Variants in NFXL1 observed in about 807,000 individuals in gnomAD.
The protein encoded by NFXL1 is NF-X1-type zinc finger protein NFXL1.
Under a neutral mutation model 123.3 loss-of-function variants are expected in NFXL1, and 66 were observed. The ratio of observed to expected loss-of-function variants is 0.54; its 90% confidence interval spans 0.44 to 0.66. NFXL1 has a LOEUF of 0.66. NFXL1 is among the 30% of genes least tolerant of loss of function. The pLI is 0.00. For missense variants in NFXL1, 944 were observed against 1,125.6 expected, an observed-to-expected ratio of 0.84 and a Z score of 2.31; for synonymous variants, 346 against 360.8, an observed-to-expected ratio of 0.96 and a Z score of 0.46.
chr4:47,863,438 T>C (rs1734874647), intron 18 of NFXL1, among the ~76,000 whole-genome samples: 1 of 152,134 alleles, frequency 6.6e-6, no homozygotes, highest in African/African-American at 2.4e-5. Flanking sequence ...TCCCAGCACT[T>C]TGGGAGACTA....
chr4:47,877,482 C>G (rs1021604856), intron 17 of NFXL1, among the ~76,000 whole-genome samples: 3 of 152,070 alleles, frequency 2.0e-5, no homozygotes, highest in African/African-American at 7.2e-5. Flanking sequence ...TAAGCTTTTT[C>G]TGACTCACTC....
intron 18 of NFXL1, among the ~76,000 whole-genome samples, chr4:47,870,866 C>G (rs1213832665): frequency 2.0e-5 from 3 of 151,916 alleles, no homozygotes; most frequent in Admixed American, 6.6e-5. Flanking sequence ...AAGATGGAAA[C>G]ACATCAAAGG....
At chr4:47,875,465 A>G in intron 17 of NFXL1, 172 bp from the exon 18 acceptor site, 1 of 451,910 alleles carries the variant, frequency 2.2e-6, no homozygotes, top group African/African-American at 2.0e-5. Flanking sequence ...TATTCAAACT[A>G]AAGAACAGCA....
At position 47,848,067 on chromosome 4, in the gene NFXL1, T is replaced by C. The variant is rs1733909578; in HGVS notation, c.*96A>G. 4 of 732,476 alleles carry C rather than the reference T, an allele frequency of 5.5e-6. No individual in the cohort carries two copies. The highest frequency in any genetic ancestry group is 2.5e-4 in the Middle Eastern group (1 of 3,986). The allele number at this position is 732,476 out of a possible 1,614,324, so 45.4% of individuals were successfully genotyped here. On this transcript the variant is annotated 3_prime_UTR_variant, in exon 23 of 23. Transcript: ENST00000507489. ...GAGAGAATACAGAGATGAATGTAAA[T>C]ATATATCATGTTCTATAATATACAT... is the stretch of plus-strand genomic sequence containing the variant.
At chr4:47,893,821 AAG>A in intron 11 of NFXL1, among the ~76,000 whole-genome samples, 2 of 152,240 alleles carry the variant, frequency 1.3e-5, no homozygotes, top group East Asian at 3.9e-4. Flanking sequence ...AGCTCTTTAA[AAG>A]ATAACTGATT....
intron 18 of NFXL1, among the ~76,000 whole-genome samples, chr4:47,874,703 G>A (rs1313996299): frequency 1.5e-5 from 1 of 68,618 alleles, no homozygotes; most frequent in Non-Finnish European, 3.5e-5. Context: ...GCTCAATGCA[G>A]GTTGACAAAC....
chr4:47,862,780 A>T, intron 19 of NFXL1, 66 bp downstream of exon 19: 1 of 936,488 alleles, frequency 1.1e-6, no homozygotes, highest in South Asian at 1.5e-5. Context: ...ACCAAACAAG[A>T]AAAAAGAAAA....
chr4:47,876,107 A>G (rs1735734669), intron 17 of NFXL1, among the ~76,000 whole-genome samples: 1 of 152,072 alleles, frequency 6.6e-6, no homozygotes, highest in Non-Finnish European at 1.5e-5. Flanking sequence ...ATTCTAAGCT[A>G]TTTTTTGACA....
At chr4:47,896,820 G>C (rs1560600801) in intron 9 of NFXL1, 173 bp from the exon 10 acceptor site, 12 of 536,780 alleles carry the variant, frequency 2.2e-5, no homozygotes, top group Non-Finnish European at 6.6e-6. Context: ...CCTAATATTT[G>C]TGAAGTTTAT....
intron 11 of NFXL1, among the ~76,000 whole-genome samples, 170 bp downstream of exon 11, chr4:47,894,010 G>A (rs542295545): frequency 6.6e-6 from 1 of 151,932 alleles, no homozygotes; most frequent in Non-Finnish European, 1.5e-5. Flanking sequence ...ATTCCCACTA[G>A]TACAAAAATT....
intron 8 of NFXL1, 66 bp from the exon 9 acceptor site, chr4:47,898,147 G>A (rs1009463179): frequency 1.1e-6 from 1 of 912,140 alleles, no homozygotes; most frequent in African/African-American, 1.7e-5. Flanking sequence ...CTTCATACAA[G>A]ACACAATCCA....
Position 47,884,396 on chromosome 4 carries a change from T to C in NFXL1, c.1866A>G (p.Ala622=). ...GACACGGTAATGCAGTCTGAATAAATGCTGGCTCAGAAGGCTGTTCCCAAG... is the reference window on the plus strand; with the variant it reads ...GACACGGTAATGCAGTCTGAATAAACGCTGGCTCAGAAGGCTGTTCCCAAG... ...TGPWEQPSEP[A]FIQTALPCPP... Residue 622 remains alanine, a synonymous_variant, in exon 15 of 23, where the codon GCA becomes GCG. Coordinates refer to ENST00000507489, the MANE Select transcript of NFXL1 (RefSeq NM_001278624.2). The C allele has an allele frequency of 1.2e-6, 2 of 1,612,098 alleles. No individual in the cohort carries two copies. The highest frequency in any genetic ancestry group is 1.7e-6 in the Non-Finnish European group (2 of 1,178,416).
chr4:47,898,166 T>A (rs1208853478), intron 8 of NFXL1, 85 bp from the exon 9 acceptor site: 4 of 751,260 alleles, frequency 5.3e-6, no homozygotes, highest in Non-Finnish European at 8.6e-6. Context: ...CATTTTTCAA[T>A]CACAAATAAA....
intron 9 of NFXL1, 42 bp from the exon 10 acceptor site, chr4:47,896,689 T>A: frequency 7.1e-7 from 1 of 1,416,728 alleles, no homozygotes. Flanking sequence ...TGAGACATTA[T>A]TATTAAACAT....
intron 15 of NFXL1, among the ~76,000 whole-genome samples, chr4:47,880,830 A>C (rs77898317): frequency 3.5e-5 from 4 of 114,810 alleles, no homozygotes; most frequent in Non-Finnish European, 3.8e-5. Flanking sequence ...AAAAAAAAAA[A>C]CGCAAAAAGG....
rs1156998198 is a variant in NFXL1, at chr4:47,898,949, G to T, written c.988+10C>A. ...AAAGTCAGAAAAATCTAATGGGTATGGCCTTTTACCTGCATGACAAGGATT... is the reference window on the plus strand; with the variant it reads ...AAAGTCAGAAAAATCTAATGGGTATTGCCTTTTACCTGCATGACAAGGATT... On this transcript the variant is annotated intron_variant, in intron 7 of 22. Coordinates refer to ENST00000507489, the MANE Select transcript of NFXL1 (RefSeq NM_001278624.2). 2.1e-5 allele frequency: 34 copies of T among 1,613,498 alleles called. No individual in the cohort carries two copies. Among genetic ancestry groups the T allele is most frequent in the Non-Finnish European group, 2.6e-5 (31 of 1,179,686 alleles).
intron 20 of NFXL1, 145 bp from the exon 21 acceptor site, chr4:47,852,087 T>TA (rs1463660525): frequency 3.9e-6 from 2 of 508,362 alleles, no homozygotes; most frequent in East Asian, 6.4e-5. Flanking sequence ...TTGCAAGCAT[T>TA]AAATATCTGC....
chr4:47,909,672 T>C (rs79089861), intron 3 of NFXL1, among the ~76,000 whole-genome samples: 11 of 151,508 alleles, frequency 7.3e-5, no homozygotes, highest in Admixed American at 4.6e-4. Flanking sequence ...TTTTTTTTTT[T>C]AATTGAGACG....
chr4:47,877,679 T>G (rs902009695), intron 17 of NFXL1, among the ~76,000 whole-genome samples: 1 of 151,948 alleles, frequency 6.6e-6, no homozygotes, highest in Non-Finnish European at 1.5e-5. Flanking sequence ...CATTTACACA[T>G]GTTTGCACAT....
Sources: allele counts gnomAD v4.1 joint callset (sites outside exome capture counted in the v4.1 genomes callset), GRCh38; gene constraint gnomAD v4.1.1; transcripts MANE v1.5; gene names NCBI Gene and HGNC (gene_info 2026-07-23, HGNC 2026-07-21).